Variants in HLCS observed in about 807,000 individuals in gnomAD.
HLCS encodes the protein holocarboxylase synthetase.
In HLCS, 53 loss-of-function variants were observed where a neutral mutation model predicts 75.0. The observed-to-expected ratio is 0.71, with a 90% CI of 0.57 to 0.89. HLCS has a LOEUF of 0.89. Among genes scored for constraint, HLCS ranks in the 40% least tolerant of loss-of-function variants. HLCS has a pLI of 0.00. For missense variants in HLCS, 966 were observed against 1,074.0 expected, an observed-to-expected ratio of 0.90 and a Z score of 1.41; for synonymous variants, 431 against 428.6, an observed-to-expected ratio of 1.01 and a Z score of -0.07.
chr21:36,769,538 G>A (rs1015094547), intron 6 of HLCS, among the ~76,000 whole-genome samples: 1 of 152,202 alleles, frequency 6.6e-6, no homozygotes, highest in Admixed American at 6.5e-5. Flanking sequence ...TTACCTCCCT[G>A]CTTCTGTATA....
intron 2 of HLCS, among the ~76,000 whole-genome samples, chr21:36,960,444 A>G (rs1338551232): frequency 5.3e-5 from 8 of 152,124 alleles, no homozygotes; most frequent in African/African-American, 1.9e-4. Flanking sequence ...GCTAAACGAA[A>G]CATTACAAAC....
intron 6 of HLCS, among the ~76,000 whole-genome samples, chr21:36,885,777 A>C (rs2064426679): frequency 1.3e-5 from 2 of 152,172 alleles, no homozygotes; most frequent in African/African-American, 4.8e-5. Context: ...TGGGTCCCAG[A>C]GCCTCACACA....
At chr21:36,951,483 C>T (rs1273797941) in intron 2 of HLCS, among the ~76,000 whole-genome samples, 1 of 152,164 alleles carries the variant, frequency 6.6e-6, no homozygotes, top group Non-Finnish European at 1.5e-5. Flanking sequence ...AAGTAGGTCC[C>T]CCCCATAATC....
intron 6 of HLCS, among the ~76,000 whole-genome samples, chr21:36,887,129 CA>C (rs11306825): frequency 0.83 from 113,508 of 136,316 alleles, 46,594 homozygotes; most frequent in African/African-American, 0.86. Flanking sequence ...GATTCTGTCT[CA>C]AAAAAAAAAA....
At chr21:36,766,672 G>A (rs1424957990) in intron 7 of HLCS, among the ~76,000 whole-genome samples, 1 of 152,130 alleles carries the variant, frequency 6.6e-6, no homozygotes, top group Non-Finnish European at 1.5e-5. Context: ...CCCCAGATGG[G>A]TCTGGGAGGA....
At chr21:36,900,155 G>T (rs2065178033) in intron 5 of HLCS, among the ~76,000 whole-genome samples, 1 of 151,872 alleles carries the variant, frequency 6.6e-6, no homozygotes, top group South Asian at 2.1e-4. Flanking sequence ...TTAAAAAACA[G>T]TAAACACAAT....
chr21:36,980,195 T>TAAAAAA (rs1221731136), intron 1 of HLCS, among the ~76,000 whole-genome samples: 1 of 97,176 alleles, frequency 1.0e-5, no homozygotes, highest in African/African-American at 3.8e-5. Flanking sequence ...CTGACTATAT[T>TAAAAAA]TAAAAAAAAA....
intron 6 of HLCS, among the ~76,000 whole-genome samples, chr21:36,889,537 A>G (rs1391329261): frequency 1.3e-5 from 2 of 152,252 alleles, no homozygotes; most frequent in East Asian, 3.8e-4. Flanking sequence ...GGAATGTGCC[A>G]CACACCCACT....
chr21:36,803,635 T>A (rs1335442860), intron 6 of HLCS, among the ~76,000 whole-genome samples: 1 of 152,164 alleles, frequency 6.6e-6, no homozygotes, highest in Admixed American at 6.5e-5. Context: ...TCAATTATTT[T>A]TTTCTCTACA....
chr21:36,751,384 T>G lies in HLCS; in HGVS notation c.*2862A>C, dbSNP rs2089358942. 6.6e-6 allele frequency: 1 copy of G among 152,578 alleles called. No individual in the cohort carries two copies. Among genetic ancestry groups the G allele is most frequent in the Non-Finnish European group, 1.5e-5 (1 of 68,056 alleles). 9.5% of individuals were successfully genotyped at this position (152,578 alleles called of 1,614,324 possible). A position where few individuals can be genotyped will look rare whatever the true frequency, so the allele number is the denominator to read the frequency against. On this transcript the variant is annotated 3_prime_UTR_variant, in exon 11 of 11. Coordinates refer to ENST00000674895, the MANE Select transcript of HLCS (RefSeq NM_001352514.2). ...TCTGCCTGTTAAGAGCAAACAGATC[T>G]GGAGAACGGAAGCCCACCCTGCCTC...
intron 6 of HLCS, among the ~76,000 whole-genome samples, chr21:36,874,459 T>C (rs547043817): frequency 9.9e-5 from 15 of 151,896 alleles, no homozygotes; most frequent in Non-Finnish European, 1.9e-4. Context: ...GCCAATAAGG[T>C]GCAGATCTAT....
At chr21:36,782,279 T>C (rs2060558813) in intron 6 of HLCS, among the ~76,000 whole-genome samples, 1 of 152,216 alleles carries the variant, frequency 6.6e-6, no homozygotes, top group East Asian at 1.9e-4. Context: ...AATGATCCTG[T>C]AGGAAAATTC....
chr21:36,956,724 C>T (rs1039346848), intron 2 of HLCS, among the ~76,000 whole-genome samples: 7 of 151,686 alleles, frequency 4.6e-5, no homozygotes, highest in East Asian at 3.9e-4. Context: ...AGCGAGACTC[C>T]GTCTCAAAAA....
chr21:36,945,745 G>A (rs2067361514), intron 2 of HLCS, among the ~76,000 whole-genome samples: 1 of 152,214 alleles, frequency 6.6e-6, no homozygotes, highest in Non-Finnish European at 1.5e-5. Flanking sequence ...GCTAATGATT[G>A]CACAACTTTG....
chr21:36,836,783 T>C (rs2062427715), intron 6 of HLCS, among the ~76,000 whole-genome samples: 1 of 152,162 alleles, frequency 6.6e-6, no homozygotes, highest in Non-Finnish European at 1.5e-5. Context: ...TCACTGCTCA[T>C]CAGGGAATTT....
chr21:36,817,212 T>A (rs2061689069), intron 6 of HLCS, among the ~76,000 whole-genome samples: 1 of 152,232 alleles, frequency 6.6e-6, no homozygotes, highest in South Asian at 2.1e-4. Flanking sequence ...AGGTAGATTA[T>A]AAACATCGGT....
At chr21:36,922,978 C>G (rs2066239928) in intron 5 of HLCS, among the ~76,000 whole-genome samples, 1 of 152,226 alleles carries the variant, frequency 6.6e-6, no homozygotes, top group South Asian at 2.1e-4. Flanking sequence ...CCCGACATTC[C>G]TGAGCTGACA....
intron 6 of HLCS, among the ~76,000 whole-genome samples, chr21:36,830,752 G>A (rs1179651100): frequency 7.0e-6 from 1 of 142,558 alleles, no homozygotes; most frequent in Non-Finnish European, 1.5e-5. Flanking sequence ...GCCCCTGGAA[G>A]TTGAGGCTGC....
chr21:36,852,651 G>A (rs970705936), intron 6 of HLCS, among the ~76,000 whole-genome samples: 5 of 152,180 alleles, frequency 3.3e-5, no homozygotes, highest in Non-Finnish European at 7.3e-5. Flanking sequence ...ACACCTCTCA[G>A]AGGGGTACCA....
Sources: allele counts gnomAD v4.1 joint callset (sites outside exome capture counted in the v4.1 genomes callset), GRCh38; gene constraint gnomAD v4.1.1; transcripts MANE v1.5; gene names NCBI Gene and HGNC (gene_info 2026-07-23, HGNC 2026-07-21).